Variants in CORO2B observed in about 807,000 individuals in gnomAD.
CORO2B encodes the protein coronin-2B.
In CORO2B, 26 loss-of-function variants were observed where a neutral mutation model predicts 58.8. That is an observed-to-expected ratio of 0.44 (90% CI 0.32 to 0.61). The LOEUF (loss-of-function observed/expected upper bound fraction) is 0.61. Among genes scored for constraint, CORO2B ranks in the 20% least tolerant of loss-of-function variants. CORO2B has a pLI of 0.04. For missense variants in CORO2B, 460 were observed against 645.1 expected (o/e 0.71, Z 3.11); for synonymous variants, 242 against 253.8 (o/e 0.95, Z 0.44).
At chr15:68,601,415 C>G (rs151206212) in intron 1 of CORO2B, among the ~76,000 whole-genome samples, 1 of 152,142 alleles carries the variant, frequency 6.6e-6, no homozygotes, top group Non-Finnish European at 1.5e-5. Context: ...CGGTAGGCAC[C>G]GAGGATAAAA....
upstream of CORO2B, among the ~76,000 whole-genome samples, chr15:68,577,724 C>CAAAA (rs11389925): frequency 9.2e-6 from 1 of 108,834 alleles, no homozygotes; most frequent in Admixed American, 1.0e-4. Context: ...ACTCCGGTCT[C>CAAAA]AAAAAAAAAA....
intron 3 of CORO2B, among the ~76,000 whole-genome samples, chr15:68,702,033 A>C (rs1892664829): frequency 6.6e-6 from 1 of 152,140 alleles, no homozygotes; most frequent in South Asian, 2.1e-4. Context: ...ACCTGAGGTC[A>C]GCAGCTTGAG....
At chr15:68,642,089 T>A (rs935147030) in intron 1 of CORO2B, among the ~76,000 whole-genome samples, 11 of 137,562 alleles carry the variant, frequency 8.0e-5, no homozygotes, top group African/African-American at 2.8e-4. Flanking sequence ...CAAGCTGGAG[T>A]GCAGTGGCGC....
At chr15:68,599,115 G>A (rs913450174) in intron 1 of CORO2B, among the ~76,000 whole-genome samples, 3 of 152,174 alleles carry the variant, frequency 2.0e-5, no homozygotes, top group Admixed American at 1.3e-4. Flanking sequence ...ACACTGGTCG[G>A]CTTGCTGCCC....
At chr15:68,582,460 G>C (rs1437701518) in intron 1 of CORO2B, among the ~76,000 whole-genome samples, 1 of 152,186 alleles carries the variant, frequency 6.6e-6, no homozygotes, top group Non-Finnish European at 1.5e-5. Flanking sequence ...AGGGAGCCAA[G>C]GCTGCTTTCC....
At chr15:68,698,883 C>T (rs761313098) in intron 3 of CORO2B, among the ~76,000 whole-genome samples, 2 of 152,096 alleles carry the variant, frequency 1.3e-5, no homozygotes, top group Non-Finnish European at 1.5e-5. Flanking sequence ...ACCCCACCCA[C>T]CAAAACGTGG....
At chr15:68,657,611 T>C (rs983900417) in intron 2 of CORO2B, among the ~76,000 whole-genome samples, 2 of 151,672 alleles carry the variant, frequency 1.3e-5, no homozygotes, top group African/African-American at 4.8e-5. Flanking sequence ...TTACGCCCCA[T>C]GATTGAGTGT....
intron 3 of CORO2B, among the ~76,000 whole-genome samples, chr15:68,707,115 C>T (rs150802207): frequency 1.3e-5 from 2 of 152,190 alleles, no homozygotes; most frequent in Admixed American, 1.3e-4. Context: ...CGCGCGCCAC[C>T]ACGCCCAGCT....
chr15:68,676,277 A>G (rs1399707934), intron 2 of CORO2B, among the ~76,000 whole-genome samples: 3 of 152,198 alleles, frequency 2.0e-5, no homozygotes, highest in African/African-American at 7.2e-5. Flanking sequence ...CATGACTGCT[A>G]GCGTCCGCAT....
intron 1 of CORO2B, among the ~76,000 whole-genome samples, chr15:68,630,540 A>T (rs1900801060): frequency 6.6e-6 from 1 of 151,960 alleles, no homozygotes; most frequent in African/African-American, 2.4e-5. Flanking sequence ...CCTCATGGGG[A>T]CAGGTCACAG....
the CORO2B span, among the ~76,000 whole-genome samples, chr15:68,570,800 T>C: frequency 8.0e-5 from 1 of 12,440 alleles, no homozygotes; most frequent in African/African-American, 2.5e-4. Flanking sequence ...CTACACGTAG[T>C]TTTTTTTTTT....
chr15:68,593,974 C>G (rs1381977303), intron 1 of CORO2B, among the ~76,000 whole-genome samples: 1 of 152,144 alleles, frequency 6.6e-6, no homozygotes, highest in African/African-American at 2.4e-5. Context: ...ACTAGGCTAA[C>G]TGGAGTATGA....
chr15:68,704,385 C>A (rs1054534711), intron 3 of CORO2B, among the ~76,000 whole-genome samples: 5 of 151,898 alleles, frequency 3.3e-5, no homozygotes, highest in African/African-American at 1.2e-4. Context: ...TTTATCTTTA[C>A]TTAGTATTTA....
intron 3 of CORO2B, among the ~76,000 whole-genome samples, chr15:68,703,096 G>A (rs1258067301): frequency 3.3e-5 from 5 of 150,208 alleles, no homozygotes; most frequent in South Asian, 4.2e-4. Flanking sequence ...AAAGTGCTGG[G>A]ATTACAGGAG....
intron 3 of CORO2B, among the ~76,000 whole-genome samples, chr15:68,702,154 G>A (rs1892668053): frequency 6.6e-6 from 1 of 152,110 alleles, no homozygotes; most frequent in Non-Finnish European, 1.5e-5. Flanking sequence ...CAGGAGTGTG[G>A]AAGAGAGGAG....
At position 68,726,316 on chromosome 15, in the gene CORO2B, T is replaced by C. The variant is rs1199405110; in HGVS notation, c.*342T>C. ...GCAAGAGGGGAAGCGGGATCCCAGC[T>C]AGACTTAGAACTTGGACTTTTCCCC... is the stretch of plus-strand genomic sequence containing the variant. On this transcript the variant is annotated 3_prime_UTR_variant, in exon 12 of 12. Coordinates refer to ENST00000261861, the MANE Select transcript of CORO2B (RefSeq NM_006091.5). The C allele has an allele frequency of 9.4e-6, 3 of 318,470 alleles. No individual in the cohort carries two copies. The highest frequency in any genetic ancestry group is 1.8e-5 in the Non-Finnish European group (3 of 169,762). The allele number at this position is 318,470 out of a possible 1,614,324, so 19.7% of individuals were successfully genotyped here.
At chr15:68,566,802 C>T in the CORO2B span, among the ~76,000 whole-genome samples, 2 of 152,184 alleles carry the variant, frequency 1.3e-5, no homozygotes, top group Non-Finnish European at 2.9e-5. Context: ...TATGGAGGCC[C>T]AGGGATGGCC....
At chr15:68,678,623 G>A (rs1279293352) in intron 2 of CORO2B, among the ~76,000 whole-genome samples, 2 of 152,150 alleles carry the variant, frequency 1.3e-5, no homozygotes, top group African/African-American at 2.4e-5. Flanking sequence ...GCAGTGAGCT[G>A]AGATTGTGCC....
intron 1 of CORO2B, among the ~76,000 whole-genome samples, chr15:68,582,414 C>G (rs1899449466): frequency 1.3e-5 from 2 of 152,210 alleles, no homozygotes; most frequent in South Asian, 4.1e-4. Context: ...GCTGCCTCCT[C>G]TCAGTCCAAC....
Sources: allele counts gnomAD v4.1 joint callset (sites outside exome capture counted in the v4.1 genomes callset), GRCh38; gene constraint gnomAD v4.1.1; transcripts MANE v1.5; gene names NCBI Gene and HGNC (gene_info 2026-07-23, HGNC 2026-07-21).